The following DNAL4 variants were observed in gnomAD, a reference collection of about 807,000 sequenced individuals.
The protein encoded by DNAL4 is dynein axonemal light chain 4, also known as dynein light chain, outer arm 4.
In DNAL4, 10 loss-of-function variants were observed where a neutral mutation model predicts 12.6. That is an observed-to-expected ratio of 0.79 (90% CI 0.49 to 1.34). The LOEUF is 1.34. DNAL4 is among the 40% of genes most tolerant of loss of function. The pLI is 0.00. For missense variants in DNAL4, 128 were observed against 138.1 expected, an observed-to-expected ratio of 0.93 and a Z score of 0.37; for synonymous variants, 46 against 53.1, an observed-to-expected ratio of 0.87 and a Z score of 0.58.
Position 38,782,712 on chromosome 22 carries a change from T to C in DNAL4, c.20A>G (p.Lys7Arg), listed in dbSNP as rs769563271. 5 of 1,613,212 alleles carry C rather than the reference T, an allele frequency of 3.1e-6. No homozygotes were observed. Among genetic ancestry groups the C allele is most frequent in the East Asian group, 2.2e-5 (1 of 44,792 alleles). The change falls in exon 2 of 4, where the codon AAG (lysine) becomes AGG (arginine). Residue 7 changes from lysine to arginine, a missense_variant. Physicochemically the swap from Lys to Arg is conservative, Grantham distance 26. Coordinates refer to ENST00000216068, the MANE Select transcript of DNAL4 (RefSeq NM_005740.3). This position sits in a 1 kb window ranked among gnomAD's most constrained non-coding sequence, Gnocchi z 5.1. MGETEG[K>R]KDEADYKRLQ... Reference sequence around the variant, plus strand: ...TCGCTTATAATCAGCCTCATCTTTCTTCCCTTCTGTTTCTCCCATGATCCT... The same window carrying C: ...TCGCTTATAATCAGCCTCATCTTTCCTCCCTTCTGTTTCTCCCATGATCCT...
chr22:38,780,246 C>A (rs1180030397), intron 3 of DNAL4, among the ~76,000 whole-genome samples: 1 of 152,200 alleles, frequency 6.6e-6, no homozygotes, highest in Non-Finnish European at 1.5e-5. Flanking sequence ...GGCACTCTGT[C>A]CCCATCGTCT....
intron 1 of DNAL4, among the ~76,000 whole-genome samples, chr22:38,791,881 T>C (rs1408759283): frequency 6.6e-6 from 1 of 151,242 alleles, no homozygotes; most frequent in Non-Finnish European, 1.5e-5. Flanking sequence ...TTTTTTTTTT[T>C]TTGAGTACAG....
intron 1 of DNAL4, among the ~76,000 whole-genome samples, chr22:38,792,543 G>C (rs1483911178): frequency 2.0e-5 from 3 of 152,126 alleles, no homozygotes; most frequent in Admixed American, 6.5e-5. Flanking sequence ...TCGGCCTCCC[G>C]AAGTGCTGGG....
chr22:38,789,462 G>C (rs1443282891), intron 1 of DNAL4, among the ~76,000 whole-genome samples: 1 of 152,132 alleles, frequency 6.6e-6, no homozygotes, highest in African/African-American at 2.4e-5. Flanking sequence ...TTTTTGGAGA[G>C]ACGGGGTTTT....
At chr22:38,781,496 T>C (rs1365402550) in intron 2 of DNAL4, among the ~76,000 whole-genome samples, 2 of 152,000 alleles carry the variant, frequency 1.3e-5, no homozygotes, top group African/African-American at 4.8e-5. Context: ...AGCGACTCCA[T>C]CTCTGGGGTC....
At chr22:38,781,839 C>T (rs760181716) in intron 2 of DNAL4, among the ~76,000 whole-genome samples, 1 of 152,170 alleles carries the variant, frequency 6.6e-6, no homozygotes, top group African/African-American at 2.4e-5. Context: ...GACCGCATCT[C>T]GCACTCTACT....
In DNAL4 at chr22:38,779,631, C is replaced by T; in HGVS notation, c.154-18G>A. ...GCGGCGCTCTGGAAGGAAGAGGGCACTTATCAAGGGGGCGCAGGGCAGGTG... is the reference window on the plus strand; with the variant it reads ...GCGGCGCTCTGGAAGGAAGAGGGCATTTATCAAGGGGGCGCAGGGCAGGTG... On this transcript the variant is annotated intron_variant, in intron 3 of 3. Coordinates refer to ENST00000216068, the MANE Select transcript of DNAL4 (RefSeq NM_005740.3). The surrounding 1 kb of genome is among the most constrained non-coding windows in gnomAD (Gnocchi z 4.3). 1 of 1,589,696 alleles carries T rather than the reference C, an allele frequency of 6.3e-7. No homozygotes were observed. Among genetic ancestry groups the T allele is most frequent in the Non-Finnish European group, 8.6e-7 (1 of 1,166,412 alleles).
chr22:38,790,167 T>C (rs530712330), intron 1 of DNAL4, among the ~76,000 whole-genome samples: 1 of 152,292 alleles, frequency 6.6e-6, no homozygotes, highest in African/African-American at 2.4e-5. Context: ...TGTGTGGATC[T>C]TTTTCATAGT....
chr22:38,779,205 C>G lies in DNAL4; in HGVS notation c.*244G>C, dbSNP rs949922390. 2 of 418,962 alleles carry G rather than the reference C, an allele frequency of 4.8e-6. No individual in the cohort carries two copies. Among genetic ancestry groups the G allele is most frequent in the African/African-American group, 4.0e-5 (2 of 50,496 alleles). The allele number at this position is 418,962 out of a possible 1,614,324, so 26.0% of individuals were successfully genotyped here. ...CCTGTCACACCGCCCCACCCCACGT[C>G]TCCCACACAGACCCATGCCCGCTGC... On this transcript the variant is annotated 3_prime_UTR_variant, in exon 4 of 4. Transcript: ENST00000216068. The surrounding 1 kb of genome is among the most constrained non-coding windows in gnomAD (Gnocchi z 4.3).
chr22:38,779,607 C>A lies in DNAL4; in HGVS notation c.160G>T (p.Ala54Ser). ...EKFSNNNESAAKMIKETMDKK... is the reference protein window; with the variant it reads ...EKFSNNNESASKMIKETMDKK... ...TCCATTGTCTCTTTGATCATCTTGG[C>A]GGCGCTCTGGAAGGAAGAGGGCACT... is the stretch of plus-strand genomic sequence containing the variant. Residue 54 changes from alanine to serine, a missense_variant, in exon 4 of 4, where the codon GCC becomes TCC. Physicochemically the swap from Ala to Ser is moderately conservative, Grantham distance 99. Transcript: ENST00000216068. The surrounding 1 kb of genome is among the most constrained non-coding windows in gnomAD (Gnocchi z 4.3). 3 of 1,597,072 alleles carry A rather than the reference C, an allele frequency of 1.9e-6. No individual in the cohort carries two copies. In the South Asian group the frequency reaches 3.4e-5, roughly 18 times the overall value.
chr22:38,780,905 C>T (rs748737615), intron 3 of DNAL4, 21 bp downstream of exon 3: 46 of 1,613,614 alleles, frequency 2.9e-5, no homozygotes, highest in East Asian at 8.9e-5. Context: ...CACGAGGGGC[C>T]GCCTGCACTG....
At chr22:38,786,326 A>G (rs1480140924) in intron 1 of DNAL4, among the ~76,000 whole-genome samples, 3 of 152,178 alleles carry the variant, frequency 2.0e-5, no homozygotes, top group Non-Finnish European at 4.4e-5. Context: ...TGGGAGGCCG[A>G]GGTGGGTGGA....
In DNAL4 at chr22:38,779,798, C is replaced by T. The variant is rs2093031514; in HGVS notation, c.154-185G>A. ...AGGCCACCTCCTGCCAGGTCTATTA[C>T]ACAGGCACAGAAAACTAGACATTAC... is the stretch of plus-strand genomic sequence containing the variant. On this transcript the variant is annotated intron_variant, in intron 3 of 3. Transcript: ENST00000216068. This position sits in a 1 kb window ranked among gnomAD's most constrained non-coding sequence, Gnocchi z 4.3. Among the ~76,000 whole-genome samples, 1 of 152,212 alleles carries T rather than the reference C, an allele frequency of 6.6e-6. No individual in the cohort carries two copies. Among genetic ancestry groups the T allele is most frequent in the Admixed American group, 6.5e-5 (1 of 15,286 alleles).
Position 38,791,664 on chromosome 22 carries a change from T to C in DNAL4, c.-140+2404A>G, listed in dbSNP as rs565141101. Among the ~76,000 whole-genome samples the C allele has an allele frequency of 7.2e-5, 11 of 152,156 alleles. 1 individual carries two copies. The East Asian group carries it at 2.1e-3, about 29-fold the overall frequency. On this transcript the variant is annotated intron_variant, in intron 1 of 3. Transcript: ENST00000216068. ...GCCTCAGCCTCCCAAAGTGCTGGGA[T>C]TACAGGTGTGAGCCACTGCGCCCAG... is the stretch of plus-strand genomic sequence containing the variant.
rs899497766 is a variant in DNAL4 at position 38,779,261 on chromosome 22, C to T, written c.*188G>A. 2.6e-5 allele frequency: 19 copies of T among 744,418 alleles called. No individual in the cohort carries two copies. Among genetic ancestry groups the T allele is most frequent in the African/African-American group, 8.8e-5 (5 of 56,648 alleles). 46.1% of individuals were successfully genotyped at this position (744,418 alleles called of 1,614,324 possible). On this transcript the variant is annotated 3_prime_UTR_variant, in exon 4 of 4. Coordinates refer to ENST00000216068, the MANE Select transcript of DNAL4 (RefSeq NM_005740.3). The surrounding 1 kb of genome is among the most constrained non-coding windows in gnomAD (Gnocchi z 4.3). ...CCACACCCTGAGACTCCGAGGGAGA[C>T]GGTTGAGAGCCTGGGGATGGAGATG... is the stretch of plus-strand genomic sequence containing the variant.
At chr22:38,780,627 G>T in intron 3 of DNAL4, 1 of 410,888 alleles carries the variant, frequency 2.4e-6, no homozygotes, top group Non-Finnish European at 4.5e-6. Context: ...TTCACCACTG[G>T]GATGGAACCA....
At chr22:38,789,988 G>C (rs2093048137) in intron 1 of DNAL4, among the ~76,000 whole-genome samples, 1 of 152,164 alleles carries the variant, frequency 6.6e-6, no homozygotes, top group Non-Finnish European at 1.5e-5. Context: ...ACTGGGGTTG[G>C]GCTGTGGACG....
Position 38,779,202 on chromosome 22 carries a change from C to T in DNAL4, c.*247G>A, listed in dbSNP as rs2093030386. On this transcript the variant is annotated 3_prime_UTR_variant, in exon 4 of 4. Transcript: ENST00000216068. This position sits in a 1 kb window ranked among gnomAD's most constrained non-coding sequence, Gnocchi z 4.3. ...TACCCTGTCACACCGCCCCACCCCA[C>T]GTCTCCCACACAGACCCATGCCCGC... is the stretch of plus-strand genomic sequence containing the variant. The T allele has an allele frequency of 7.8e-6, 3 of 385,342 alleles. No homozygotes were observed. The highest frequency in any genetic ancestry group is 1.4e-5 in the Non-Finnish European group (3 of 216,344). The allele number at this position is 385,342 out of a possible 1,614,324, so 23.9% of individuals were successfully genotyped here.
chr22:38,791,170 A>G (rs1271542387), intron 1 of DNAL4, among the ~76,000 whole-genome samples: 1 of 143,240 alleles, frequency 7.0e-6, no homozygotes, highest in Non-Finnish European at 1.5e-5. Context: ...CCACCTCTAG[A>G]AAAAAAAAAA....
Sources: gnomAD v4.1 joint callset for allele counts (sites outside exome capture counted in the v4.1 genomes callset) on GRCh38, gnomAD v4.1.1 for gene constraint, Gnocchi (gnomAD v3.1) non-coding constraint, MANE v1.5 for transcripts, NCBI Gene and HGNC (gene_info 2026-07-23, HGNC 2026-07-21) for gene names.